NELFE: variants seen among roughly 807,000 people sequenced by gnomAD.
NELFE encodes the protein negative elongation factor E.
NELFE carries 26 observed loss-of-function variants against 55.5 expected under a neutral mutation model. The observed-to-expected ratio is 0.47, with a 90% CI of 0.34 to 0.65. NELFE has a LOEUF of 0.65. Ranked by LOEUF, NELFE falls within the 30% of genes least tolerant of loss-of-function variation. NELFE has a pLI of 0.01. For synonymous variants in NELFE, 162 were observed against 178.0 expected, an observed-to-expected ratio of 0.91 and a Z score of 0.72; for missense variants, 403 against 506.9, an observed-to-expected ratio of 0.80 and a Z score of 1.97.
At chr6:31,953,485 C>G (rs993703541) in intron 10 of NELFE, among the ~76,000 whole-genome samples, 1 of 152,212 alleles carries the variant, frequency 6.6e-6, no homozygotes, top group Non-Finnish European at 1.5e-5. Flanking sequence ...ATCTTCCTCA[C>G]CAATCTCACT....
At chr6:31,957,476 GA>G (rs1437916831) in intron 2 of NELFE, 1 of 458,854 alleles carries the variant, frequency 2.2e-6, no homozygotes, top group Admixed American at 2.3e-5. Flanking sequence ...ACAATTATAA[GA>G]GGTGCAGATT....
intron 4 of NELFE, among the ~76,000 whole-genome samples, chr6:31,956,246 T>C (rs568295009): frequency 1.3e-5 from 2 of 152,126 alleles, no homozygotes; most frequent in South Asian, 4.1e-4. Flanking sequence ...CTGCTGATTT[T>C]TGTATTTTTA....
In NELFE at chr6:31,958,464, G is replaced by A. The variant is rs769507244; in HGVS notation, c.-8-10C>T. 3 of 1,611,452 alleles carry A rather than the reference G, an allele frequency of 1.9e-6. No homozygotes were observed. Among genetic ancestry groups the A allele is most frequent in the Admixed American group, 3.3e-5 (2 of 60,018 alleles). ...ACCAACATGGTGGCTCCTAGTTCAG[G>A]GGCAGGGCCCAAGACATCTTTCTCC... On this transcript the variant is annotated splice_polypyrimidine_tract_variant and intron_variant, in intron 1 of 10. Coordinates refer to ENST00000375429, the MANE Select transcript of NELFE (RefSeq NM_002904.6).
In NELFE at chr6:31,955,118, G is replaced by T. The variant is rs746634023; in HGVS notation, c.367-22C>A. ...ATGACTGTAAAAGAGACCAAGAACA[G>T]TTAAGATGATTTCCAGTTGCTGACA... On this transcript the variant is annotated intron_variant, in intron 5 of 10. Transcript: ENST00000375429. 9 of 1,612,996 alleles carry T rather than the reference G, an allele frequency of 5.6e-6. No homozygotes were observed. The South Asian group carries it at 9.9e-5, about 18-fold the overall frequency.
rs1771893028 is a variant in NELFE at position 31,953,650 on chromosome 6, G to A, written c.1045+79C>T. 8 of 1,232,754 alleles carry A rather than the reference G, an allele frequency of 6.5e-6. No individual in the cohort carries two copies. The Admixed American group carries it at 1.2e-4, about 18-fold the overall frequency. The allele number at this position is 1,232,754 out of a possible 1,614,324, so 76.4% of individuals were successfully genotyped here. A position where few individuals can be genotyped will look rare whatever the true frequency, so the allele number is the denominator to read the frequency against. Reference sequence around the variant, plus strand: ...ACACTCTGACCTCGATCATCTCTAGGAAACCCAAGGATGTGTGGGGGAACC... The same window carrying A: ...ACACTCTGACCTCGATCATCTCTAGAAAACCCAAGGATGTGTGGGGGAACC... On this transcript the variant is annotated intron_variant, in intron 10 of 10. Coordinates refer to ENST00000375429, the MANE Select transcript of NELFE (RefSeq NM_002904.6).
chr6:31,955,913 G>C lies in NELFE; in HGVS notation c.292-620C>G, dbSNP rs577161468. 5.9e-5 allele frequency among the ~76,000 whole-genome samples: 9 copies of C among 151,702 alleles called. No individual in the cohort carries two copies. In the South Asian group the frequency reaches 1.7e-3, roughly 28 times the overall value. ...GCCTCCTCAGTAACTGGGACTATAAGTGTGCACCACCACATTCTGCTAATT... is the reference window on the plus strand; with the variant it reads ...GCCTCCTCAGTAACTGGGACTATAACTGTGCACCACCACATTCTGCTAATT... On this transcript the variant is annotated intron_variant, in intron 4 of 10. Coordinates refer to ENST00000375429, the MANE Select transcript of NELFE (RefSeq NM_002904.6).
At chr6:31,955,382 G>T in intron 4 of NELFE, 89 bp from the exon 5 acceptor site, 1 of 839,024 alleles carries the variant, frequency 1.2e-6, no homozygotes, top group Non-Finnish European at 1.8e-6. Flanking sequence ...CCCTCTTCTA[G>T]GTTTCCTCTG....
chr6:31,955,019 A>T (rs532338531), intron 6 of NELFE, 40 bp downstream of exon 6: 1 of 1,613,008 alleles, frequency 6.2e-7, no homozygotes, highest in South Asian at 1.1e-5. Context: ...CAGGCAATCA[A>T]CTCCACCAAA....
At position 31,954,678 on chromosome 6, in the gene NELFE, C is replaced by T; in HGVS notation, c.619G>A (p.Asp207Asn). The change falls in exon 7 of 11, where the codon GAC (aspartate) becomes AAC (asparagine). Residue 207 changes from aspartate to asparagine, a missense_variant. Physicochemically the swap from Asp to Asn is conservative, Grantham distance 23. Transcript: ENST00000375429. The surrounding 1 kb of genome is among the most constrained non-coding windows in gnomAD (Gnocchi z 5.5). ...DRDRDRERDR[D>N]RDRDRDRERD... ...TCTCTGTCTCTGTCTCGATCCCGGT[C>T]TCGATCCCGCTCCCGATCTCGGTCT... is the stretch of plus-strand genomic sequence containing the variant. The T allele has an allele frequency of 6.2e-7, 1 of 1,609,182 alleles. No individual in the cohort carries two copies. Among genetic ancestry groups the T allele is most frequent in the Non-Finnish European group, 8.5e-7 (1 of 1,178,064 alleles).
rs148605898 is a variant in NELFE at position 31,953,470 on chromosome 6, C to T, written c.1045+259G>A. Among the ~76,000 whole-genome samples, 1,135 of 152,326 alleles carry T rather than the reference C, an allele frequency of 7.5e-3. 14 individuals carry two copies. Among genetic ancestry groups the T allele is most frequent in the Middle Eastern group, 0.017 (5 of 294 alleles). On this transcript the variant is annotated intron_variant, in intron 10 of 10. Coordinates refer to ENST00000375429, the MANE Select transcript of NELFE (RefSeq NM_002904.6). ...CTCAAAATGAACAAGCCCCATGAGA[C>T]ACTCATCTTCCTCACCAATCTCACT...
Position 31,955,092 on chromosome 6 carries a change from G to A in NELFE, c.371C>T (p.Ser124Phe). 4.3e-6 allele frequency: 7 copies of A among 1,613,080 alleles called. No individual in the cohort carries two copies. In the South Asian group the frequency reaches 7.7e-5, roughly 18 times the overall value. The change falls in exon 6 of 11, where the codon TCC becomes TTC. Residue 124 changes from serine (S) to phenylalanine (F), a missense_variant. Coordinates refer to ENST00000375429, the MANE Select transcript of NELFE (RefSeq NM_002904.6). The stretch of plus-strand genomic sequence containing the variant: ...CAGAGATTTCCTCTGGGGACGTCTG[G>A]ATGACTGTAAAAGAGACCAAGAACA... ...ISADDDLQESSRRPQRKSLYE... is the reference protein window; with the variant it reads ...ISADDDLQESFRRPQRKSLYE...
At position 31,954,154 on chromosome 6, in the gene NELFE, G is replaced by T. The variant is rs576717745; in HGVS notation, c.888-20C>A. 23 of 1,613,974 alleles carry T rather than the reference G, an allele frequency of 1.4e-5. No individual in the cohort carries two copies. Among genetic ancestry groups the T allele is most frequent in the Non-Finnish European group, 1.9e-5 (23 of 1,179,900 alleles). On this transcript the variant is annotated intron_variant, in intron 8 of 10. Transcript: ENST00000375429. The surrounding 1 kb of genome is among the most constrained non-coding windows in gnomAD (Gnocchi z 5.5). Reference sequence around the variant, plus strand: ...GCACAGCTGGGATAAGAGAAAACACGGTCAGTGGAGAGCCAAGGGGCTCTT... The same window carrying T: ...GCACAGCTGGGATAAGAGAAAACACTGTCAGTGGAGAGCCAAGGGGCTCTT...
Position 31,952,241 on chromosome 6 carries a change from C to T in NELFE, c.*60G>A, listed in dbSNP as rs897169469. On this transcript the variant is annotated 3_prime_UTR_variant, in exon 11 of 11. Transcript: ENST00000375429. ...GAGGGAGATGTGTAAGCTTCCACCTCAGTGTTTTACTGAGACCAGCATTGG... is the reference window on the plus strand; with the variant it reads ...GAGGGAGATGTGTAAGCTTCCACCTTAGTGTTTTACTGAGACCAGCATTGG... The T allele has an allele frequency of 1.4e-6, 2 of 1,478,522 alleles. No individual in the cohort carries two copies. Among genetic ancestry groups the T allele is most frequent in the Non-Finnish European group, 1.9e-6 (2 of 1,064,254 alleles). The allele number at this position is 1,478,522 out of a possible 1,614,324, so 91.6% of individuals were successfully genotyped here.
Position 31,954,412 on chromosome 6 carries a change from G to A in NELFE, c.773C>T (p.Pro258Leu), listed in dbSNP as rs771523599. 6.2e-7 allele frequency: 1 copy of A among 1,608,030 alleles called. No homozygotes were observed. The highest frequency in any genetic ancestry group is 8.5e-7 in the Non-Finnish European group (1 of 1,176,898). ...TACATAGAGAGTATTCCCTTTCCTA[G>A]GGGCTCGCCGTTCAGGGAATGAATC... ...RSDSFPERRA[P>L]RKGNTLYVYG... The change falls in exon 8 of 11, where the codon CCT becomes CTT. Residue 258 changes from proline to leucine, a missense_variant. Coordinates refer to ENST00000375429, the MANE Select transcript of NELFE (RefSeq NM_002904.6). The surrounding 1 kb of genome is among the most constrained non-coding windows in gnomAD (Gnocchi z 5.5).
chr6:31,955,994 A>T (rs1772066037), intron 4 of NELFE, among the ~76,000 whole-genome samples: 1 of 151,340 alleles, frequency 6.6e-6, no homozygotes, highest in African/African-American at 2.4e-5. Flanking sequence ...GCAGTGGCAC[A>T]ATCTCGACTC....
rs149944420 is a variant in NELFE, at chr6:31,952,337, A to G, written c.1107T>C (p.Asp369=). Residue 369 remains aspartate, a synonymous_variant, in exon 11 of 11, where the codon GAT becomes GAC. Transcript: ENST00000375429. ...CCACAAGGTTTTCCTTGTAGACGTCATCACTGTAGACAATCTGGGTCCTCT... is the reference window on the plus strand; with the variant it reads ...CCACAAGGTTTTCCTTGTAGACGTCGTCACTGTAGACAATCTGGGTCCTCT... The part of the protein sequence containing the change: ...RDKRTQIVYS[D]DVYKENLVDG... 2.6e-5 allele frequency: 42 copies of G among 1,614,138 alleles called. No homozygotes were observed. The highest frequency in any genetic ancestry group is 3.4e-5 in the Non-Finnish European group (40 of 1,179,994).
rs554898171 is a variant in NELFE at position 31,954,634 on chromosome 6, A to C, written c.663T>G (p.Asp221Glu). The change falls in exon 7 of 11, where the codon GAT becomes GAG. Residue 221 changes from aspartate to glutamate, a missense_variant. By Grantham distance (45) the Asp-to-Glu change is conservative. Transcript: ENST00000375429. This position sits in a 1 kb window ranked among gnomAD's most constrained non-coding sequence, Gnocchi z 5.5. ...DRDRERDRDR[D>E]RDRDRDRERD... ...GTTCCCGGTCTCGATCTCGATCCCGATCCCGATCCCTGTCCCGCTCTCTGT... is the reference window on the plus strand; with the variant it reads ...GTTCCCGGTCTCGATCTCGATCCCGCTCCCGATCCCTGTCCCGCTCTCTGT... 1 of 1,602,178 alleles carries C rather than the reference A, an allele frequency of 6.2e-7. No individual in the cohort carries two copies. Among genetic ancestry groups the C allele is most frequent in the Non-Finnish European group, 8.5e-7 (1 of 1,174,318 alleles).
At position 31,956,946 on chromosome 6, in the gene NELFE, T is replaced by TG. The variant is rs1772123536; in HGVS notation, c.139_140insC (p.Lys47ThrfsTer34). ...CCATTTCCCCTGTCACTCACAGCGT[T>TG]TGACACCACCTTGGCTGGTTGTGCT... On this transcript the variant is annotated frameshift_variant, in exon 3 of 11. Coordinates refer to ENST00000375429, the MANE Select transcript of NELFE (RefSeq NM_002904.6). LOFTEE classifies it high-confidence loss of function. The TG allele has an allele frequency of 6.2e-7, 1 of 1,610,622 alleles. No homozygotes were observed. Among genetic ancestry groups the TG allele is most frequent in the Non-Finnish European group, 8.5e-7 (1 of 1,177,886 alleles).
rs755244751 is a variant in NELFE, at chr6:31,954,734, C to G, written c.563G>C (p.Arg188Pro). ...SSASPPRSRS[R>P]DRSHERNRDR... The stretch of plus-strand genomic sequence containing the variant: ...CCGGTTCCTCTCATGGCTGCGGTCC[C>G]GGCTGCGGCTTCGGGGAGGGGAGGC... Residue 188 changes from arginine to proline, a missense_variant, in exon 7 of 11, where the codon CGG becomes CCG. By Grantham distance (103) the Arg-to-Pro change is moderately radical. Around this residue, in one of 3 missense-constraint regions of NELFE, gnomAD observed 229 missense variants for 228.3 expected, o/e 1.00. Transcript: ENST00000375429. The surrounding 1 kb of genome is among the most constrained non-coding windows in gnomAD (Gnocchi z 5.5). 2 of 1,613,746 alleles carry G rather than the reference C, an allele frequency of 1.2e-6. No individual in the cohort carries two copies. The highest frequency in any genetic ancestry group is 1.7e-5 in the Admixed American group (1 of 60,002).
Sources: gnomAD v4.1 joint callset for allele counts (sites outside exome capture counted in the v4.1 genomes callset) on GRCh38, gnomAD v4.1.1 for gene constraint, gnomAD v4.1.1 regional missense constraint, Gnocchi (gnomAD v3.1) non-coding constraint, MANE v1.5 for transcripts, NCBI Gene and HGNC (gene_info 2026-07-23, HGNC 2026-07-21) for gene names.